The following DPYD variants were observed in gnomAD, a reference collection of about 807,000 sequenced individuals.
DPYD encodes the protein dihydropyrimidine dehydrogenase.
In DPYD, 109 loss-of-function variants were observed where a neutral mutation model predicts 116.2. That is an observed-to-expected ratio of 0.94 (90% CI 0.80 to 1.10). The LOEUF (loss-of-function observed/expected upper bound fraction) is 1.10. Among genes scored for constraint, DPYD ranks in the 50% least tolerant of loss-of-function variants. The pLI is 0.00. For missense variants in DPYD, 1,302 were observed against 1,254.5 expected (o/e 1.04, Z -0.57); for synonymous variants, 440 against 432.0 (o/e 1.02, Z -0.23).
chr1:97,735,781 A>G lies in DPYD; in HGVS notation c.321+4611T>C, dbSNP rs551398422. Among the ~76,000 whole-genome samples the G allele has an allele frequency of 4.0e-5, 6 of 151,626 alleles. No individual in the cohort carries two copies. In the South Asian group the frequency reaches 8.3e-4, roughly 21 times the overall value. ...TAAAAAGCTGGCAGATTAGAAAAAA[A>G]GCACAAAAAACTCTTAGAAATGAAA... On this transcript the variant is annotated intron_variant, in intron 4 of 22. Coordinates refer to ENST00000370192, the MANE Select transcript of DPYD (RefSeq NM_000110.4).
chr1:97,583,983 A>T (rs187131021), intron 10 of DPYD, among the ~76,000 whole-genome samples: 2 of 152,154 alleles, frequency 1.3e-5, no homozygotes, highest in African/African-American at 4.8e-5. Flanking sequence ...CCTGAGGAAT[A>T]GCCACACTGA....
At chr1:97,135,179 T>C (rs926560792) in intron 20 of DPYD, among the ~76,000 whole-genome samples, 2 of 152,164 alleles carry the variant, frequency 1.3e-5, no homozygotes, top group Non-Finnish European at 2.9e-5. Flanking sequence ...AGCTAATCCT[T>C]AGCTTTCACT....
At chr1:97,476,389 T>C (rs996088334) in intron 13 of DPYD, among the ~76,000 whole-genome samples, 8 of 152,108 alleles carry the variant, frequency 5.3e-5, no homozygotes, top group African/African-American at 1.9e-4. Context: ...ATAAAAAATA[T>C]GAACAATTCA....
Position 97,134,007 on chromosome 1 carries a change from AAAAAAAAATATATATAT to A in DPYD, c.2623-35392_2623-35376del, listed in dbSNP as rs1200976653. Among the ~76,000 whole-genome samples the A allele has an allele frequency of 5.0e-3, 222 of 44,178 alleles. 13 individuals are homozygous for A. The highest frequency in any genetic ancestry group is 8.9e-3 in the Middle Eastern group (1 of 112). The allele number at this position is 44,178 out of a possible 152,430, so 29.0% of individuals were successfully genotyped here. On this transcript the variant is annotated intron_variant, in intron 20 of 22. Transcript: ENST00000370192. ...GAGCCAGACTCTGTTTCAAAAAAAA[AAAAAAAAATATATATAT>A]ATATATATATATATATATATATATA...
At chr1:97,195,519 G>GGAGAGAGAGA (rs3050245) in intron 19 of DPYD, among the ~76,000 whole-genome samples, 1 of 75,056 alleles carries the variant, frequency 1.3e-5, no homozygotes, top group African/African-American at 5.2e-5. Context: ...AATGGGATAA[G>GGAGAGAGAGA]GAGAGAGAGA....
At chr1:97,559,019 C>G (rs1004513679) in intron 11 of DPYD, among the ~76,000 whole-genome samples, 2 of 152,110 alleles carry the variant, frequency 1.3e-5, no homozygotes, top group African/African-American at 4.8e-5. Flanking sequence ...CTCTTTAAGA[C>G]TGCAAACTGC....
At chr1:97,548,432 T>C (rs1229613680) in intron 12 of DPYD, among the ~76,000 whole-genome samples, 1 of 152,152 alleles carries the variant, frequency 6.6e-6, no homozygotes, top group Non-Finnish European at 1.5e-5. Flanking sequence ...AAAACTAAAT[T>C]GTTTTCAAAA....
chr1:97,627,238 G>A (rs2100784616), intron 8 of DPYD, among the ~76,000 whole-genome samples: 1 of 152,148 alleles, frequency 6.6e-6, no homozygotes, highest in Admixed American at 6.6e-5. Context: ...CATCTGCTGA[G>A]ATGCAGATCC....
At chr1:97,427,779 C>T (rs768229909) in intron 14 of DPYD, among the ~76,000 whole-genome samples, 12 of 151,994 alleles carry the variant, frequency 7.9e-5, no homozygotes, top group Non-Finnish European at 1.6e-4. Context: ...TGCCCCTTTG[C>T]CCACTCAGCC....
At chr1:97,701,197 T>TTA (rs934343237) in intron 5 of DPYD, among the ~76,000 whole-genome samples, 23 of 147,118 alleles carry the variant, frequency 1.6e-4, no homozygotes, top group Admixed American at 4.8e-4. Flanking sequence ...CATATATATA[T>TTA]TATATATATA....
chr1:97,389,864 C>CAAAAA lies in DPYD; in HGVS notation c.1906-7408_1906-7404dup, dbSNP rs11406485. Among the ~76,000 whole-genome samples, 341 of 142,540 alleles carry CAAAAA rather than the reference C, an allele frequency of 2.4e-3. 1 individual carries two copies. The highest frequency in any genetic ancestry group is 5.8e-3 in the African/African-American group (225 of 38,494). 93.5% of individuals were successfully genotyped at this position (142,540 alleles called of 152,430 possible). Reference sequence around the variant, plus strand: ...AAACAATGTGCAGATGCTTATTTGGCAAAAAAAAAAAAAGTAGTGCTATAT... The same window carrying CAAAAA: ...AAACAATGTGCAGATGCTTATTTGGCAAAAAAAAAAAAAAAAAAGTAGTGCTATAT... On this transcript the variant is annotated intron_variant, in intron 14 of 22. Coordinates refer to ENST00000370192, the MANE Select transcript of DPYD (RefSeq NM_000110.4).
intron 2 of DPYD, among the ~76,000 whole-genome samples, chr1:97,867,950 A>G (rs2101608991): frequency 6.6e-6 from 1 of 151,948 alleles, no homozygotes; most frequent in East Asian, 1.9e-4. Context: ...TGCAGGTGAC[A>G]TGGTCTTATG....
chr1:97,738,084 A>G (rs1252963325), intron 4 of DPYD, among the ~76,000 whole-genome samples: 1 of 152,168 alleles, frequency 6.6e-6, no homozygotes, highest in Non-Finnish European at 1.5e-5. Flanking sequence ...TTTTAAGGAG[A>G]ATATATCTCT....
At chr1:97,520,721 T>C (rs1648586853) in intron 12 of DPYD, among the ~76,000 whole-genome samples, 1 of 151,686 alleles carries the variant, frequency 6.6e-6, no homozygotes, top group Non-Finnish European at 1.5e-5. Flanking sequence ...TGATAATATG[T>C]GGTGTTTGGT....
At chr1:97,088,754 C>G (rs191695246) in intron 21 of DPYD, among the ~76,000 whole-genome samples, 3 of 152,266 alleles carry the variant, frequency 2.0e-5, no homozygotes, top group African/African-American at 4.8e-5. Context: ...ATGCCATAAT[C>G]TGGTCAGGAA....
In DPYD at chr1:97,516,041, T is replaced by C. The variant is rs371996189; in HGVS notation, c.1525-100A>G. ...CTTCAACACAGCATCCGAATTAATA[T>C]AGATTACAACAGTCTGTTTACAATG... On this transcript the variant is annotated intron_variant, in intron 12 of 22. Coordinates refer to ENST00000370192, the MANE Select transcript of DPYD (RefSeq NM_000110.4). 8.6e-6 allele frequency: 10 copies of C among 1,156,524 alleles called. No individual in the cohort carries two copies. The East Asian group carries it at 1.3e-4, about 15-fold the overall frequency. The allele number at this position is 1,156,524 out of a possible 1,614,324, so 71.6% of individuals were successfully genotyped here.
intron 18 of DPYD, among the ~76,000 whole-genome samples, chr1:97,286,363 C>T (rs1345897218): frequency 6.6e-6 from 1 of 152,130 alleles, no homozygotes; most frequent in East Asian, 1.9e-4. Flanking sequence ...TTTTTTCTTT[C>T]ATTTCAATTT....
chr1:97,259,458 T>C (rs1663726908), intron 18 of DPYD, among the ~76,000 whole-genome samples: 1 of 152,008 alleles, frequency 6.6e-6, no homozygotes, highest in South Asian at 2.1e-4. Flanking sequence ...CATTGCAGAC[T>C]CGAACCCCTC....
chr1:97,562,470 T>C (rs1310677800), intron 11 of DPYD, among the ~76,000 whole-genome samples: 1 of 152,192 alleles, frequency 6.6e-6, no homozygotes, highest in African/African-American at 2.4e-5. Context: ...GAAAACACTT[T>C]AAAGAGCTTT....
Sources: allele counts gnomAD v4.1 joint callset (sites outside exome capture counted in the v4.1 genomes callset), GRCh38; gene constraint gnomAD v4.1.1; transcripts MANE v1.5; gene names NCBI Gene and HGNC (gene_info 2026-07-23, HGNC 2026-07-21).